PTK2B: variants seen among roughly 807,000 people sequenced by gnomAD.
The protein encoded by PTK2B is protein-tyrosine kinase 2-beta.
In PTK2B, 71 loss-of-function variants were observed where a neutral mutation model predicts 142.9. The observed-to-expected ratio is 0.50, with a 90% CI of 0.41 to 0.61. PTK2B has a LOEUF of 0.61. Ranked by LOEUF, PTK2B falls within the 20% of genes least tolerant of loss-of-function variation. The pLI, the probability that PTK2B is intolerant of heterozygous loss-of-function variation, is 0.00. For missense variants in PTK2B, 1,105 were observed against 1,320.4 expected (o/e 0.84, Z 2.53); for synonymous variants, 519 against 503.4 (o/e 1.03, Z -0.42).
intron 1 of PTK2B, among the ~76,000 whole-genome samples, chr8:27,326,021 A>G (rs1803390695): frequency 1.3e-5 from 2 of 152,036 alleles, no homozygotes; most frequent in Admixed American, 1.3e-4. Context: ...TCTAAAGCTC[A>G]GGTTAGGGAG....
intron 1 of PTK2B, among the ~76,000 whole-genome samples, chr8:27,344,129 G>T (rs1235915912): frequency 1.3e-5 from 2 of 152,110 alleles, no homozygotes; most frequent in African/African-American, 2.4e-5. Context: ...TTACTCTTTA[G>T]GGAAATGGCA....
chr8:27,340,729 G>A (rs991029227), intron 1 of PTK2B, among the ~76,000 whole-genome samples: 1 of 152,250 alleles, frequency 6.6e-6, no homozygotes, highest in Admixed American at 6.5e-5. Flanking sequence ...TGTGGCCAGG[G>A]CTGCAGGCAG....
rs990980962 is a variant in PTK2B, at chr8:27,438,123, A to G, written c.1643+243A>G. The G allele has an allele frequency of 3.9e-5, 18 of 459,258 alleles. 1 individual carries two copies. Among genetic ancestry groups the G allele is most frequent in the Non-Finnish European group, 6.0e-5 (15 of 250,366 alleles). 28.4% of individuals were successfully genotyped at this position (459,258 alleles called of 1,614,324 possible). A position where few individuals can be genotyped will look rare whatever the true frequency, so the allele number is the denominator to read the frequency against. ...ACTCTGAAGTCCGAGGTGTCTGTCT[A>G]TATATCAAGACCTTCTAGCCCCTCC... is the stretch of plus-strand genomic sequence containing the variant. On this transcript the variant is annotated intron_variant, in intron 18 of 30. Coordinates refer to ENST00000346049, the MANE Select transcript of PTK2B (RefSeq NM_173176.3).
At chr8:27,320,358 A>G (rs1803184393) in intron 3 of PTK2B, among the ~76,000 whole-genome samples, 1 of 152,132 alleles carries the variant, frequency 6.6e-6, no homozygotes, top group African/African-American at 2.4e-5. Context: ...TTCAGACACT[A>G]TCTACCTGGA....
intron 1 of PTK2B, among the ~76,000 whole-genome samples, chr8:27,379,115 G>A (rs1278126210): frequency 1.3e-5 from 2 of 152,158 alleles, no homozygotes; most frequent in Non-Finnish European, 2.9e-5. Flanking sequence ...GTAGGTCGCA[G>A]GCTTCTCATT....
At position 27,345,187 on chromosome 8, in the gene PTK2B, C is replaced by T. The variant is rs117763771; in HGVS notation, c.-38+19506C>T. 4.5e-3 allele frequency among the ~76,000 whole-genome samples: 686 copies of T among 152,288 alleles called. 7 individuals carry two copies. The highest frequency in any genetic ancestry group is 0.035 in the East Asian group (181 of 5,168). On this transcript the variant is annotated intron_variant, in intron 1 of 30. Transcript: ENST00000346049. ...AAAAGGGTTAGGGAGAGGGTCAGAT[C>T]ATGGGGGCATTCCCATTCCACTACT... is the stretch of plus-strand genomic sequence containing the variant.
At chr8:27,430,027 G>A in intron 5 of PTK2B, 66 bp from the exon 6 acceptor site, 4 of 1,460,118 alleles carry the variant, frequency 2.7e-6, no homozygotes. Flanking sequence ...GTGGCATGAG[G>A]TGCCCTGGGT....
intron 6 of PTK2B, 88 bp from the exon 7 acceptor site, chr8:27,430,276 A>G: frequency 1.3e-6 from 2 of 1,594,838 alleles, no homozygotes; most frequent in South Asian, 1.1e-5. Context: ...CTAGGTCCCA[A>G]AGCCCTCTCA....
At chr8:27,311,197 G>C, upstream of PTK2B, 1 of 1,598,016 alleles carries the variant, frequency 6.3e-7, no homozygotes, top group East Asian at 2.3e-5. Context: ...CCTTGAAGGA[G>C]CGGGAAGGCC....
At chr8:27,328,990 T>C (rs569777378) in intron 1 of PTK2B, among the ~76,000 whole-genome samples, 1 of 150,844 alleles carries the variant, frequency 6.6e-6, no homozygotes, top group Admixed American at 6.6e-5. Flanking sequence ...CAGGCTGGAG[T>C]GCAGTGGCGC....
chr8:27,321,194 C>A (rs923792645), upstream of PTK2B, among the ~76,000 whole-genome samples: 6 of 151,630 alleles, frequency 4.0e-5, no homozygotes, highest in African/African-American at 1.5e-4. Context: ...TGAAGTCTTG[C>A]CACGTTGGCC....
chr8:27,379,738 C>T (rs180867068), intron 1 of PTK2B, among the ~76,000 whole-genome samples: 50 of 152,210 alleles, frequency 3.3e-4, no homozygotes, highest in African/African-American at 1.1e-3. Flanking sequence ...AGAACAGCAT[C>T]GCAGGGAAAA....
intron 20 of PTK2B, 32 bp from the exon 21 acceptor site, chr8:27,440,205 C>T (rs377262650): frequency 1.2e-6 from 2 of 1,608,386 alleles, no homozygotes; most frequent in East Asian, 2.2e-5. Context: ...TGGTCTCCCC[C>T]ACCCAGGGCC....
At chr8:27,315,941 G>C (rs1242438118) in intron 3 of PTK2B, among the ~76,000 whole-genome samples, 1 of 151,952 alleles carries the variant, frequency 6.6e-6, no homozygotes, top group Admixed American at 6.6e-5. Context: ...GCATATGGTG[G>C]GGGGGTGGGT....
intron 1 of PTK2B, among the ~76,000 whole-genome samples, chr8:27,373,661 G>A (rs988941250): frequency 6.6e-6 from 1 of 151,986 alleles, no homozygotes; most frequent in Non-Finnish European, 1.5e-5. Context: ...TAGCCTGGGT[G>A]ACACAGCAAG....
At chr8:27,401,241 AAC>A (rs1417383740) in intron 2 of PTK2B, among the ~76,000 whole-genome samples, 1 of 142,158 alleles carries the variant, frequency 7.0e-6, no homozygotes, top group Admixed American at 7.2e-5. Flanking sequence ...CAGTCAAGAG[AAC>A]CAGGAGAACA....
intron 20 of PTK2B, 89 bp downstream of exon 20, chr8:27,439,487 T>C (rs1234942668): frequency 7.4e-7 from 1 of 1,359,936 alleles, no homozygotes; most frequent in Non-Finnish European, 1.0e-6. Flanking sequence ...AGCAGGGGTC[T>C]GACCTCCACC....
At chr8:27,366,639 C>T (rs562000844) in intron 1 of PTK2B, among the ~76,000 whole-genome samples, 2 of 152,316 alleles carry the variant, frequency 1.3e-5, no homozygotes, top group South Asian at 2.1e-4. Flanking sequence ...GGTTCCTGTG[C>T]AGGTCAGTCT....
intron 2 of PTK2B, among the ~76,000 whole-genome samples, chr8:27,416,089 T>TA (rs933486927): frequency 8.6e-5 from 13 of 151,226 alleles, no homozygotes; most frequent in African/African-American, 1.9e-4. Flanking sequence ...ATTTAAACAT[T>TA]AAAAAAAAAT....
Sources: gnomAD v4.1 joint callset for allele counts (sites outside exome capture counted in the v4.1 genomes callset) on GRCh38, gnomAD v4.1.1 for gene constraint, MANE v1.5 for transcripts, NCBI Gene and HGNC (gene_info 2026-07-23, HGNC 2026-07-21) for gene names.